The following NPY2R variants were observed in gnomAD, a reference collection of about 807,000 sequenced individuals.
NPY2R encodes the protein neuropeptide Y receptor Y2, also known as neuropeptide Y receptor type 2.
NPY2R carries 17 observed loss-of-function variants against 22.3 expected under a neutral mutation model. The observed-to-expected ratio is 0.76, with a 90% CI of 0.52 to 1.14. NPY2R has a LOEUF of 1.14. Ranked by LOEUF, NPY2R falls within the 50% of genes most tolerant of loss-of-function variation. The probability of loss-of-function intolerance (pLI) is 0.00; values close to 1 mark genes in which losing one functional copy is unlikely to be tolerated. For synonymous variants in NPY2R, 209 were observed against 183.4 expected (o/e 1.14, Z -1.13); for missense variants, 424 against 467.9 (o/e 0.91, Z 0.87).
the NPY2R span, among the ~76,000 whole-genome samples, chr4:155,183,055 A>G: frequency 6.6e-6 from 1 of 152,066 alleles, no homozygotes; most frequent in Non-Finnish European, 1.5e-5. Context: ...GGCCTCTCAA[A>G]GTGCTGGGAT....
At chr4:155,177,738 G>A in the NPY2R span, among the ~76,000 whole-genome samples, 1 of 151,916 alleles carries the variant, frequency 6.6e-6, no homozygotes, top group Non-Finnish European at 1.5e-5. Flanking sequence ...TCCCCAGCTT[G>A]TGCACCCTAC....
At chr4:155,187,220 G>C in the NPY2R span, among the ~76,000 whole-genome samples, 58 of 152,290 alleles carry the variant, frequency 3.8e-4, no homozygotes, top group African/African-American at 1.3e-3. Flanking sequence ...TCAGACCTCA[G>C]AGAGATGTCC....
At chr4:155,189,111 T>A in the NPY2R span, among the ~76,000 whole-genome samples, 1 of 152,042 alleles carries the variant, frequency 6.6e-6, no homozygotes, top group Non-Finnish European at 1.5e-5. Flanking sequence ...CATCCCTTCC[T>A]CCCATAAAAT....
chr4:155,191,777 G>A, the NPY2R span, among the ~76,000 whole-genome samples: 19 of 151,764 alleles, frequency 1.3e-4, no homozygotes, highest in Non-Finnish European at 2.7e-4. Flanking sequence ...TTATAACATT[G>A]CAACTTATTT....
chr4:155,199,103 A>G, the NPY2R span, among the ~76,000 whole-genome samples: 1 of 151,980 alleles, frequency 6.6e-6, no homozygotes, highest in Non-Finnish European at 1.5e-5. Context: ...TGTACTGAAC[A>G]CCATGTTCAT....
chr4:155,185,629 G>C, the NPY2R span, among the ~76,000 whole-genome samples: 1 of 151,548 alleles, frequency 6.6e-6, no homozygotes, highest in South Asian at 2.1e-4. Flanking sequence ...TGACTCCCTG[G>C]AGAAAATCTC....
At chr4:155,174,486 T>A in the NPY2R span, among the ~76,000 whole-genome samples, 4,849 of 68,258 alleles carry the variant, frequency 0.071, 122 homozygotes, top group Non-Finnish European at 0.084. Context: ...ATATATATAT[T>A]TTTTTTTTTA....
chr4:155,212,057 GA>G (rs1729415882), intron 1 of NPY2R, among the ~76,000 whole-genome samples: 1 of 152,198 alleles, frequency 6.6e-6, no homozygotes, highest in Non-Finnish European at 1.5e-5. Flanking sequence ...GAGCAGAACA[GA>G]ACAGAGGAAC....
rs1376195233 is a variant in NPY2R, at chr4:155,208,935, C to T, written c.-183C>T. ...CCGCGCGGCGCGGGCTGTCCTGGAC[C>T]CTAGGAGGGGACGGAACCGGACTTG... On this transcript the variant is annotated 5_prime_UTR_variant, in exon 1 of 2. Coordinates refer to ENST00000329476, the MANE Select transcript of NPY2R (RefSeq NM_000910.4). The surrounding 1 kb of genome is among the most constrained non-coding windows in gnomAD (Gnocchi z 5.6). The T allele has an allele frequency of 6.6e-6, 1 of 152,158 alleles. No individual in the cohort carries two copies. The highest frequency in any genetic ancestry group is 1.5e-5 in the Non-Finnish European group (1 of 68,054). The allele number at this position is 152,158 out of a possible 1,614,324, so 9.4% of individuals were successfully genotyped here. A position where few individuals can be genotyped will look rare whatever the true frequency, so the allele number is the denominator to read the frequency against.
chr4:155,179,240 A>T, the NPY2R span, among the ~76,000 whole-genome samples: 2 of 138,834 alleles, frequency 1.4e-5, no homozygotes, highest in African/African-American at 5.6e-5. Context: ...ATTTCTGTTT[A>T]TGTCTGTTAT....
At chr4:155,208,281 G>T (rs1729323540), upstream of NPY2R, 1 of 152,332 alleles carries the variant, frequency 6.6e-6, no homozygotes, top group African/African-American at 2.4e-5. This position sits in a 1 kb window ranked among gnomAD's most constrained non-coding sequence, Gnocchi z 5.6. Flanking sequence ...CCGCCAGCCT[G>T]AGGTCTCCTT....
rs371976710 is a variant in NPY2R, at chr4:155,214,044, C to T, written c.105C>T (p.Asp35=). The part of the protein sequence containing the change: ...QTTPRGELVP[D]PEPELIDSTK... ...CTCCTAGAGGTGAACTGGTCCCTGA[C>T]CCTGAGCCAGAGCTTATAGATAGTA... Residue 35 remains aspartate (D), a synonymous_variant, in exon 2 of 2, where the codon GAC becomes GAT. Transcript: ENST00000329476. The T allele has an allele frequency of 3.1e-6, 5 of 1,613,796 alleles. No individual in the cohort carries two copies. The highest frequency in any genetic ancestry group is 2.7e-5 in the African/African-American group (2 of 74,896).
At chr4:155,186,792 C>G in the NPY2R span, among the ~76,000 whole-genome samples, 2 of 152,114 alleles carry the variant, frequency 1.3e-5, no homozygotes, top group African/African-American at 2.4e-5. Flanking sequence ...TCTATTAGTT[C>G]AAATATAGCT....
intron 1 of NPY2R, among the ~76,000 whole-genome samples, chr4:155,210,660 G>A (rs1332169069): frequency 6.6e-6 from 1 of 151,064 alleles, no homozygotes; most frequent in Non-Finnish European, 1.5e-5. Context: ...GGAGGCACAT[G>A]TGAAAAGAGG....
chr4:155,196,805 C>T, the NPY2R span, among the ~76,000 whole-genome samples: 1 of 151,804 alleles, frequency 6.6e-6, no homozygotes, highest in Non-Finnish European at 1.5e-5. Context: ...CATCTGTATA[C>T]TTATAAAGCA....
chr4:155,181,408 A>G, the NPY2R span, among the ~76,000 whole-genome samples: 1 of 152,184 alleles, frequency 6.6e-6, no homozygotes, highest in Non-Finnish European at 1.5e-5. Context: ...TGGAATACAT[A>G]TAGAATATGC....
the NPY2R span, among the ~76,000 whole-genome samples, chr4:155,185,340 C>T: frequency 6.6e-6 from 1 of 152,048 alleles, no homozygotes; most frequent in African/African-American, 2.4e-5. Context: ...GCCCAGCCAA[C>T]ATATATTTTT....
the NPY2R span, among the ~76,000 whole-genome samples, chr4:155,179,033 A>G: frequency 8.6e-5 from 13 of 152,040 alleles, no homozygotes; most frequent in Non-Finnish European, 1.6e-4. Flanking sequence ...TGCAAAGACC[A>G]ATTTGCTGGT....
the NPY2R span, among the ~76,000 whole-genome samples, chr4:155,177,619 C>A: frequency 7.9e-5 from 12 of 152,076 alleles, no homozygotes; most frequent in Admixed American, 3.3e-4. Flanking sequence ...CATGGCTCCA[C>A]TGGATATTGC....
Sources: gnomAD v4.1 joint callset for allele counts (sites outside exome capture counted in the v4.1 genomes callset) on GRCh38, gnomAD v4.1.1 for gene constraint, Gnocchi (gnomAD v3.1) non-coding constraint, MANE v1.5 for transcripts, NCBI Gene and HGNC (gene_info 2026-07-23, HGNC 2026-07-21) for gene names.